The following SH3RF3 variants were observed in gnomAD, a reference collection of about 807,000 sequenced individuals.
SH3RF3 encodes E3 ubiquitin-protein ligase SH3RF3.
Under a neutral mutation model 66.3 loss-of-function variants are expected in SH3RF3, and 29 were observed. The ratio of observed to expected loss-of-function variants is 0.44; its 90% CI spans 0.33 to 0.60. The LOEUF is 0.60. Among genes scored for constraint, SH3RF3 ranks in the 20% least tolerant of loss-of-function variants. The pLI is 0.04. For missense variants in SH3RF3, 1,194 were observed against 1,190.9 expected, an observed-to-expected ratio of 1.00 and a Z score of -0.04; for synonymous variants, 583 against 532.0, an observed-to-expected ratio of 1.10 and a Z score of -1.32.
Position 109,432,678 on chromosome 2 carries a change from G to A in SH3RF3, c.1574+7G>A, listed in dbSNP as rs374454458. 7.5e-5 allele frequency: 120 copies of A among 1,608,052 alleles called. No homozygotes were observed. Among genetic ancestry groups the A allele is most frequent in the Non-Finnish European group, 9.5e-5 (112 of 1,177,152 alleles). On this transcript the variant is annotated splice_region_variant and intron_variant, in intron 6 of 9. Coordinates refer to ENST00000309415, the MANE Select transcript of SH3RF3 (RefSeq NM_001099289.3). ...ACGTGACACCCGTTTCCAGGTGAGGGCATGGTGGTGGCAGCCTGGGCAAGG... is the reference window on the plus strand; with the variant it reads ...ACGTGACACCCGTTTCCAGGTGAGGACATGGTGGTGGCAGCCTGGGCAAGG...
chr2:109,222,483 G>A (rs1266493142), intron 1 of SH3RF3, among the ~76,000 whole-genome samples: 1 of 145,186 alleles, frequency 6.9e-6, no homozygotes, highest in African/African-American at 2.8e-5. Flanking sequence ...ATCAGTAAAA[G>A]TTCCTCCAAA....
intron 6 of SH3RF3, among the ~76,000 whole-genome samples, chr2:109,434,234 G>T (rs940977854): frequency 6.6e-6 from 1 of 152,194 alleles, no homozygotes; most frequent in East Asian, 1.9e-4. Context: ...CTCTGGGCTC[G>T]CCCGCCCTGC....
intron 8 of SH3RF3, among the ~76,000 whole-genome samples, chr2:109,469,951 C>G (rs375990647): frequency 6.6e-6 from 1 of 152,136 alleles, no homozygotes; most frequent in Non-Finnish European, 1.5e-5. Context: ...CCAGGACATG[C>G]GAGCTATAAG....
intron 8 of SH3RF3, among the ~76,000 whole-genome samples, chr2:109,488,482 G>A (rs984807367): frequency 2.0e-5 from 3 of 152,190 alleles, no homozygotes; most frequent in African/African-American, 7.2e-5. Flanking sequence ...GGGCCCAGCT[G>A]CAGGGTCTCC....
At chr2:109,497,445 A>G (rs1301051463) in intron 9 of SH3RF3, among the ~76,000 whole-genome samples, 1 of 152,232 alleles carries the variant, frequency 6.6e-6, no homozygotes, top group East Asian at 1.9e-4. Context: ...TAATGGAATG[A>G]GAATTCATTC....
At chr2:109,383,150 C>T (rs1675740607) in intron 3 of SH3RF3, among the ~76,000 whole-genome samples, 1 of 152,246 alleles carries the variant, frequency 6.6e-6, no homozygotes, top group Non-Finnish European at 1.5e-5. Context: ...GCTTTTCAGG[C>T]ATGGAAGTGA....
At chr2:109,243,162 T>A (rs977320229) in intron 1 of SH3RF3, among the ~76,000 whole-genome samples, 1 of 152,274 alleles carries the variant, frequency 6.6e-6, no homozygotes, top group African/African-American at 2.4e-5. Flanking sequence ...TGCAGGTGTC[T>A]TGTAAGGGCT....
chr2:109,417,838 G>T (rs1406152415), intron 4 of SH3RF3, among the ~76,000 whole-genome samples: 4 of 152,190 alleles, frequency 2.6e-5, no homozygotes, highest in African/African-American at 9.6e-5. Context: ...TCAGGGAGGG[G>T]CAGGTAGGTG....
At chr2:109,204,503 A>G (rs1678760739) in intron 1 of SH3RF3, among the ~76,000 whole-genome samples, 1 of 152,020 alleles carries the variant, frequency 6.6e-6, no homozygotes, top group South Asian at 2.1e-4. Context: ...CTTATTCTAG[A>G]CTAGTTTCTC....
chr2:109,380,437 G>A (rs1013121484), intron 3 of SH3RF3, among the ~76,000 whole-genome samples: 2 of 152,184 alleles, frequency 1.3e-5, no homozygotes, highest in African/African-American at 4.8e-5. Flanking sequence ...TTATTGGGTT[G>A]TGGTTCAGTG....
intron 1 of SH3RF3, among the ~76,000 whole-genome samples, chr2:109,151,036 G>C (rs1677215039): frequency 6.6e-6 from 1 of 152,176 alleles, no homozygotes; most frequent in South Asian, 2.1e-4. Flanking sequence ...CAATGCAAGG[G>C]AGAGGCTTTT....
At chr2:109,433,002 A>G (rs1677284313) in intron 6 of SH3RF3, among the ~76,000 whole-genome samples, 1 of 152,244 alleles carries the variant, frequency 6.6e-6, no homozygotes, top group Non-Finnish European at 1.5e-5. Context: ...ACATATATAC[A>G]GTGTGTTCAG....
chr2:109,323,368 A>G (rs544003264), intron 1 of SH3RF3, among the ~76,000 whole-genome samples: 1 of 152,366 alleles, frequency 6.6e-6, no homozygotes, highest in Admixed American at 6.5e-5. Flanking sequence ...TATAGGATCC[A>G]CATATTCACC....
intron 1 of SH3RF3, among the ~76,000 whole-genome samples, chr2:109,261,130 T>G (rs1680344424): frequency 6.6e-6 from 1 of 152,188 alleles, no homozygotes; most frequent in Non-Finnish European, 1.5e-5. Flanking sequence ...GCCAGGCCCG[T>G]GAGCTAGCCT....
rs532856285 is a variant in SH3RF3, at chr2:109,461,935, C to T, written c.2148+12446C>T. ...CTAAAAATTCAAAGAGCCCCACTCA[C>T]CTTTTTAACTCTGGCTATAGGAGGG... On this transcript the variant is annotated intron_variant, in intron 8 of 9. Coordinates refer to ENST00000309415, the MANE Select transcript of SH3RF3 (RefSeq NM_001099289.3). 5.3e-5 allele frequency among the ~76,000 whole-genome samples: 8 copies of T among 152,242 alleles called. No homozygotes were observed. In the South Asian group the frequency reaches 1.7e-3, roughly 32 times the overall value.
chr2:109,203,791 C>T (rs1275788975), intron 1 of SH3RF3, among the ~76,000 whole-genome samples: 4 of 150,826 alleles, frequency 2.7e-5, no homozygotes, highest in African/African-American at 9.8e-5. Context: ...TCCATTCCTG[C>T]CCTTTGTCTC....
chr2:109,369,140 C>T (rs981210539), intron 2 of SH3RF3, among the ~76,000 whole-genome samples: 11 of 150,780 alleles, frequency 7.3e-5, no homozygotes, highest in Non-Finnish European at 1.0e-4. Context: ...GTCAGGGGAT[C>T]GAGACCATCC....
intron 1 of SH3RF3, among the ~76,000 whole-genome samples, chr2:109,142,127 G>C (rs998466577): frequency 6.6e-6 from 1 of 151,592 alleles, no homozygotes; most frequent in East Asian, 1.9e-4. Context: ...GTCACCTACC[G>C]GGTGGGGTCC....
intron 1 of SH3RF3, among the ~76,000 whole-genome samples, chr2:109,200,626 G>A (rs999013527): frequency 1.3e-5 from 2 of 152,156 alleles, no homozygotes; most frequent in African/African-American, 2.4e-5. Context: ...AAGTGAGCTT[G>A]TCCCAGCAGC....
Sources: allele counts gnomAD v4.1 joint callset (sites outside exome capture counted in the v4.1 genomes callset), GRCh38; gene constraint gnomAD v4.1.1; transcripts MANE v1.5; gene names NCBI Gene and HGNC (gene_info 2026-07-23, HGNC 2026-07-21).